Variants in CDKAL1 observed in about 807,000 individuals in gnomAD.
CDKAL1 encodes threonylcarbamoyladenosine tRNA methylthiotransferase.
A neutral mutation model predicts 68.2 loss-of-function variants in CDKAL1; 32 were observed. The ratio of observed to expected loss-of-function variants is 0.47; its 90% CI spans 0.35 to 0.63. The LOEUF is 0.63. Among genes scored for constraint, CDKAL1 ranks in the 30% least tolerant of loss-of-function variants. The pLI, the probability that CDKAL1 is intolerant of heterozygous loss-of-function variation, is 0.00. For missense variants in CDKAL1, 606 were observed against 696.7 expected (o/e 0.87, Z 1.47); for synonymous variants, 234 against 244.3 (o/e 0.96, Z 0.39).
intron 4 of CDKAL1, chr6:20,599,471 A>G (rs1056405314): frequency 1.6e-5 from 6 of 372,590 alleles, no homozygotes; most frequent in African/African-American, 1.2e-4. Flanking sequence ...ATGCTATGCA[A>G]ACTTACTCAT....
chr6:20,898,098 T>C (rs963605379), intron 9 of CDKAL1, among the ~76,000 whole-genome samples: 2 of 152,130 alleles, frequency 1.3e-5, no homozygotes, highest in Non-Finnish European at 2.9e-5. Flanking sequence ...CCAGCTCCTC[T>C]TGGGTGTATA....
chr6:21,219,161 C>A (rs1047633659), intron 15 of CDKAL1, among the ~76,000 whole-genome samples: 1 of 152,146 alleles, frequency 6.6e-6, no homozygotes. Flanking sequence ...TAAGTACAGT[C>A]ATCTCTTGGT....
At chr6:20,581,013 T>A (rs1045454926) in intron 4 of CDKAL1, among the ~76,000 whole-genome samples, 1 of 152,202 alleles carries the variant, frequency 6.6e-6, no homozygotes, top group Non-Finnish European at 1.5e-5. Context: ...GGTTTCGAAC[T>A]CCCGACCTCA....
At chr6:20,704,000 G>T (rs1771488827) in intron 5 of CDKAL1, among the ~76,000 whole-genome samples, 1 of 152,092 alleles carries the variant, frequency 6.6e-6, no homozygotes, top group African/African-American at 2.4e-5. Context: ...TCAGTTTTGA[G>T]AGCATTTGAA....
chr6:20,987,943 CT>C (rs11300877), intron 10 of CDKAL1, among the ~76,000 whole-genome samples: 63,044 of 123,150 alleles, frequency 0.51, 15,973 homozygotes, highest in East Asian at 0.61. Flanking sequence ...CCATCCCCAG[CT>C]TTTTTTTTTT....
intron 8 of CDKAL1, among the ~76,000 whole-genome samples, chr6:20,803,211 A>G (rs1776437718): frequency 6.6e-6 from 1 of 152,230 alleles, no homozygotes; most frequent in Admixed American, 6.5e-5. Context: ...TAGGAAGATT[A>G]CCAACTCCTT....
intron 5 of CDKAL1, among the ~76,000 whole-genome samples, chr6:20,719,058 A>C (rs1772224303): frequency 6.6e-6 from 1 of 152,218 alleles, no homozygotes; most frequent in Admixed American, 6.5e-5. Context: ...TTCATGGCAG[A>C]GTCCGGGTTC....
At chr6:20,667,853 CT>C (rs1318662251) in intron 5 of CDKAL1, among the ~76,000 whole-genome samples, 4 of 152,052 alleles carry the variant, frequency 2.6e-5, no homozygotes, top group Non-Finnish European at 5.9e-5. Context: ...TTAACAAATG[CT>C]AATATTTTAC....
chr6:20,592,468 CTTTTTTTT>C (rs34023799), intron 4 of CDKAL1, among the ~76,000 whole-genome samples: 52 of 130,424 alleles, frequency 4.0e-4, no homozygotes, highest in African/African-American at 1.3e-3. Context: ...ATGCTTCCAG[CTTTTTTTT>C]TTTTTTTTTT....
chr6:20,914,940 T>C (rs1166928554), intron 9 of CDKAL1, among the ~76,000 whole-genome samples: 3 of 152,176 alleles, frequency 2.0e-5, no homozygotes, highest in Non-Finnish European at 4.4e-5. Context: ...TAGTTTACTA[T>C]GGTGGGTATA....
At chr6:21,226,447 G>T (rs1779747138) in intron 15 of CDKAL1, among the ~76,000 whole-genome samples, 1 of 152,200 alleles carries the variant, frequency 6.6e-6, no homozygotes, top group African/African-American at 2.4e-5. Context: ...GGAGCAGTGA[G>T]ATTTACAAGG....
chr6:20,934,701 G>T (rs1299541957), intron 9 of CDKAL1, among the ~76,000 whole-genome samples: 1 of 151,924 alleles, frequency 6.6e-6, no homozygotes, highest in Non-Finnish European at 1.5e-5. Context: ...AAAAAAATTA[G>T]CTGGACATAG....
At chr6:21,183,182 G>GA (rs1777860658) in intron 13 of CDKAL1, among the ~76,000 whole-genome samples, 1 of 149,114 alleles carries the variant, frequency 6.7e-6, no homozygotes, top group South Asian at 2.1e-4. Flanking sequence ...AATAGCTACT[G>GA]AAAAAAATGA....
chr6:21,177,213 A>G (rs1250523976), intron 13 of CDKAL1, among the ~76,000 whole-genome samples: 1 of 151,240 alleles, frequency 6.6e-6, no homozygotes, highest in Non-Finnish European at 1.5e-5. Flanking sequence ...TTGATCAAAT[A>G]TTGCATTGTT....
intron 11 of CDKAL1, among the ~76,000 whole-genome samples, chr6:21,012,815 A>C (rs1168091368): frequency 6.6e-6 from 1 of 151,912 alleles, no homozygotes; most frequent in Non-Finnish European, 1.5e-5. Context: ...GGGTTCTAAT[A>C]CTTCCTTCTC....
At chr6:20,786,066 C>A (rs1478987645) in intron 8 of CDKAL1, among the ~76,000 whole-genome samples, 2 of 151,950 alleles carry the variant, frequency 1.3e-5, no homozygotes, top group Non-Finnish European at 2.9e-5. Flanking sequence ...ACTAAAAATA[C>A]AAAAATTAGC....
chr6:20,749,648 C>T (rs1423546570), intron 6 of CDKAL1, among the ~76,000 whole-genome samples: 5 of 151,578 alleles, frequency 3.3e-5, no homozygotes, highest in Admixed American at 6.6e-5. Flanking sequence ...CCTGGGTTCA[C>T]GCCATTCTCC....
intron 13 of CDKAL1, among the ~76,000 whole-genome samples, chr6:21,180,939 A>G (rs1447763715): frequency 6.6e-6 from 1 of 152,166 alleles, no homozygotes; most frequent in Non-Finnish European, 1.5e-5. Flanking sequence ...AAGAAAATAA[A>G]TTTATTTCTC....
intron 8 of CDKAL1, among the ~76,000 whole-genome samples, chr6:20,843,488 C>CAGAT (rs1024118411): frequency 5.9e-5 from 9 of 151,336 alleles, no homozygotes; most frequent in Middle Eastern, 3.2e-3. Flanking sequence ...GTAATATTTG[C>CAGAT]AGATAGATAG....
Sources: gnomAD v4.1 joint callset for allele counts (sites outside exome capture counted in the v4.1 genomes callset) on GRCh38, gnomAD v4.1.1 for gene constraint, MANE v1.5 for transcripts, NCBI Gene and HGNC (gene_info 2026-07-23, HGNC 2026-07-21) for gene names.